LINC00632: variants seen among roughly 807,000 people sequenced by gnomAD.
The protein encoded by LINC00632 is long independently transcribed non-coding RNA 632, also known as ALDOA related specific transcript.
intron 3 of LINC00632, among the ~76,000 whole-genome samples, chrX:140,735,555 G>GTATTTATT (rs574366226): frequency 0.012 from 1,324 of 109,472 alleles, 22 homozygotes; most frequent in African/African-American, 0.041. Flanking sequence ...TGATAAAATG[G>GTATTTATT]TATTTATTTA....
At chrX:140,761,767 C>T (rs1160310187) in intron 3 of LINC00632, among the ~76,000 whole-genome samples, 1 of 112,137 alleles carries the variant, frequency 8.9e-6, no homozygotes. Flanking sequence ...AAATTGTTTG[C>T]CTCCTTAGAA....
At chrX:140,710,847 G>A (rs1382839084) in intron 1 of LINC00632, among the ~76,000 whole-genome samples, 1 of 111,269 alleles carries the variant, frequency 9.0e-6, no homozygotes, top group East Asian at 2.8e-4. Context: ...GAACATGTCT[G>A]CTGGTAGCAT....
intron 2 of LINC00632, among the ~76,000 whole-genome samples, chrX:140,723,344 A>G (rs1930770453): frequency 5.1e-4 from 1 of 1,953 alleles, no homozygotes; most frequent in Non-Finnish European, 1.2e-3. Context: ...ACAGACACAT[A>G]TTCGATACAT....
At chrX:140,776,507 C>T (rs902303759) in exon 5 of LINC00632, among the ~76,000 whole-genome samples, 1 of 113,007 alleles carries the variant, frequency 8.8e-6, no homozygotes. Context: ...CTTCCTTCCT[C>T]CCGCCACCCG....
intron 2 of LINC00632, among the ~76,000 whole-genome samples, chrX:140,727,394 C>T (rs945522428): frequency 3.0e-4 from 33 of 111,669 alleles, no homozygotes; most frequent in African/African-American, 9.1e-4. Context: ...TGGGTTCAAG[C>T]GATTTTCCTG....
exon 5 of LINC00632, among the ~76,000 whole-genome samples, chrX:140,774,665 A>C (rs763075814): frequency 3.5e-4 from 39 of 111,937 alleles, no homozygotes; most frequent in Non-Finnish European, 2.3e-4. Flanking sequence ...TATCATCTTC[A>C]TCTTGAGATC....
At chrX:140,728,497 C>T (rs1416020671) in intron 2 of LINC00632, among the ~76,000 whole-genome samples, 1 of 109,978 alleles carries the variant, frequency 9.1e-6, no homozygotes, top group East Asian at 2.9e-4. Context: ...ACTTGCACCA[C>T]AGGATCAAGA....
intron 2 of LINC00632, among the ~76,000 whole-genome samples, chrX:140,724,020 GAC>G (rs745954068): frequency 1.2e-3 from 16 of 12,817 alleles, no homozygotes; most frequent in African/African-American, 2.4e-3. Flanking sequence ...CACACACACA[GAC>G]ACACATTCCA....
At chrX:140,724,994 C>T (rs1177707012) in intron 2 of LINC00632, among the ~76,000 whole-genome samples, 2 of 41,845 alleles carry the variant, frequency 4.8e-5, no homozygotes, top group Non-Finnish European at 9.5e-5. Flanking sequence ...CACTCAGACA[C>T]ATTCCACACA....
At chrX:140,716,780 TACACACACAC>T (rs200811174) in intron 2 of LINC00632, among the ~76,000 whole-genome samples, 25 of 89,812 alleles carry the variant, frequency 2.8e-4, no homozygotes, top group Admixed American at 3.8e-4. Context: ...GCCCACAACA[TACACACACAC>T]ACACACACAC....
intron 2 of LINC00632, among the ~76,000 whole-genome samples, chrX:140,718,327 C>A (rs958892101): frequency 2.7e-5 from 3 of 110,086 alleles, no homozygotes; most frequent in Non-Finnish European, 5.7e-5. Context: ...ATAGAATATC[C>A]CTCATAAAGC....
Position 140,744,004 on chromosome X carries a change from T to G in LINC00632, n.191+10040T>G, listed in dbSNP as rs192743437. Reference sequence around the variant, plus strand: ...TCCTGGCTAAAATGATACAGTATATTTGGTTGCATATTTCTGTTGGGAAAT... The same window carrying G: ...TCCTGGCTAAAATGATACAGTATATGTGGTTGCATATTTCTGTTGGGAAAT... On this transcript the variant is annotated intron_variant and non_coding_transcript_variant, in intron 3 of 4. Transcript: ENST00000648200. Among the ~76,000 whole-genome samples, 634 of 111,871 alleles carry G rather than the reference T, an allele frequency of 5.7e-3. 3 individuals are homozygous for G. The highest frequency in any genetic ancestry group is 0.025 in the South Asian group (67 of 2,630).
At chrX:140,755,355 A>G (rs1402222790) in intron 3 of LINC00632, among the ~76,000 whole-genome samples, 11 of 112,367 alleles carry the variant, frequency 9.8e-5, no homozygotes, top group Non-Finnish European at 1.5e-4. Context: ...TTGATCAAAT[A>G]CTACTTCCCT....
intron 3 of LINC00632, among the ~76,000 whole-genome samples, chrX:140,736,138 AAT>A (rs1931139736): frequency 9.0e-6 from 1 of 111,554 alleles, no homozygotes; most frequent in South Asian, 3.7e-4. Context: ...TATTAAAATA[AAT>A]ATGAGGCTTT....
At chrX:140,723,813 GAC>G (rs1930822126) in intron 2 of LINC00632, among the ~76,000 whole-genome samples, 2 of 3,101 alleles carry the variant, frequency 6.4e-4, no homozygotes, top group African/African-American at 1.4e-3. Context: ...CACATACACA[GAC>G]ACACATTCCA....
At chrX:140,727,489 C>T (rs1453930392) in intron 2 of LINC00632, among the ~76,000 whole-genome samples, 1 of 110,993 alleles carries the variant, frequency 9.0e-6, no homozygotes, top group Admixed American at 9.6e-5. Context: ...GACGGGGTTT[C>T]ACCATGTTGG....
intron 3 of LINC00632, among the ~76,000 whole-genome samples, chrX:140,749,810 A>G (rs1432363553): frequency 3.6e-5 from 4 of 110,314 alleles, no homozygotes; most frequent in Non-Finnish European, 7.6e-5. Flanking sequence ...TGCCTGAGTA[A>G]TTGGGACCAC....
chrX:140,726,486 G>T (rs1459444939), intron 2 of LINC00632, among the ~76,000 whole-genome samples: 2 of 111,489 alleles, frequency 1.8e-5, no homozygotes, highest in Non-Finnish European at 3.8e-5. Flanking sequence ...ACCCACCCCA[G>T]AACACATGCA....
At chrX:140,728,386 GCA>G (rs1441114878) in intron 2 of LINC00632, among the ~76,000 whole-genome samples, 1 of 110,945 alleles carries the variant, frequency 9.0e-6, no homozygotes, top group Non-Finnish European at 1.9e-5. Context: ...GCATTCTGAT[GCA>G]CAGATTTACC....
Sources: allele counts gnomAD v4.1 joint callset (sites outside exome capture counted in the v4.1 genomes callset), GRCh38; gene constraint gnomAD v4.1.1; transcripts MANE v1.5; gene names NCBI Gene and HGNC (gene_info 2026-07-23, HGNC 2026-07-21).